Variants in PAH observed in about 807,000 individuals in gnomAD.
PAH encodes phenylalanine-4-hydroxylase.
In PAH, 64 loss-of-function variants were observed where a neutral mutation model predicts 62.0. The ratio of observed to expected loss-of-function variants is 1.03; its 90% confidence interval spans 0.84 to 1.27. The LOEUF (loss-of-function observed/expected upper bound fraction) is 1.27. Ranked by LOEUF, PAH falls within the 50% of genes most tolerant of loss-of-function variation. The probability of loss-of-function intolerance (pLI) is 0.00; values close to 1 mark genes in which losing one functional copy is unlikely to be tolerated. For synonymous variants in PAH, 195 were observed against 196.2 expected, an observed-to-expected ratio of 0.99 and a Z score of 0.05; for missense variants, 579 against 542.8, an observed-to-expected ratio of 1.07 and a Z score of -0.66.
chr12:102,866,002 G>A (rs1875939908), intron 5 of PAH, among the ~76,000 whole-genome samples: 1 of 151,626 alleles, frequency 6.6e-6, no homozygotes, highest in Non-Finnish European at 1.5e-5. Context: ...GAGCAAAGCT[G>A]TTGTCTTCTC....
chr12:102,885,593 C>A (rs1005671181), intron 3 of PAH, among the ~76,000 whole-genome samples: 6 of 152,154 alleles, frequency 3.9e-5, no homozygotes, highest in Admixed American at 6.5e-5. Context: ...GCCCTGGACA[C>A]CCACGTAGTG....
intron 3 of PAH, among the ~76,000 whole-genome samples, chr12:102,889,171 G>A (rs1465664911): frequency 6.6e-6 from 1 of 152,116 alleles, no homozygotes; most frequent in Non-Finnish European, 1.5e-5. Flanking sequence ...GCACACCCAT[G>A]TATTATCTTG....
At chr12:102,881,765 C>G (rs1158719378) in intron 3 of PAH, among the ~76,000 whole-genome samples, 3 of 152,126 alleles carry the variant, frequency 2.0e-5, no homozygotes, top group Non-Finnish European at 2.9e-5. Flanking sequence ...TAGGGTTCAC[C>G]CATGTTCTCC....
chr12:102,871,940 AAAAAAAAAAATATAT>A (rs1876349981), intron 4 of PAH, among the ~76,000 whole-genome samples: 1 of 7,262 alleles, frequency 1.4e-4, no homozygotes, highest in African/African-American at 3.1e-4. Context: ...AAAAAAAAAA[AAAAAAAAAAATATAT>A]ATATATATAT....
chr12:102,949,845 G>T (rs1229534845), intron 1 of PAH, among the ~76,000 whole-genome samples: 1 of 152,250 alleles, frequency 6.6e-6, no homozygotes, highest in South Asian at 2.1e-4. Flanking sequence ...TGCCCCCACC[G>T]CATGTTTTAA....
At chr12:102,872,648 C>T (rs1387042138) in intron 4 of PAH, among the ~76,000 whole-genome samples, 2 of 152,184 alleles carry the variant, frequency 1.3e-5, no homozygotes, top group African/African-American at 4.8e-5. Flanking sequence ...AGCAGGAAAA[C>T]TTGATGCCCA....
At chr12:102,860,664 C>T (rs541547482) in intron 5 of PAH, among the ~76,000 whole-genome samples, 1 of 152,246 alleles carries the variant, frequency 6.6e-6, no homozygotes, top group African/African-American at 2.4e-5. Context: ...AAACAGAGCC[C>T]TCATTAATAA....
chr12:102,953,744 A>C (rs1399866748), upstream of PAH: 3 of 152,222 alleles, frequency 2.0e-5, no homozygotes, highest in Admixed American at 6.5e-5. Context: ...ATCTTTCTGC[A>C]ATGTCTGTAC....
At chr12:102,846,824 G>A (rs369202247) in intron 9 of PAH, 71 bp downstream of exon 9, 4 of 1,313,070 alleles carry the variant, frequency 3.0e-6, no homozygotes, top group East Asian at 2.3e-5. Flanking sequence ...AGGGGAGTAG[G>A]AAAGTTTCAA....
At chr12:102,916,956 C>A in intron 1 of PAH, 115 bp downstream of exon 1, 4 of 946,862 alleles carry the variant, frequency 4.2e-6, no homozygotes, top group South Asian at 1.3e-5. Context: ...CAGCTTCCAA[C>A]GAATTCAGAC....
At chr12:102,852,723 C>G (rs145709393) in intron 7 of PAH, 92 bp downstream of exon 7, 16 of 1,509,360 alleles carry the variant, frequency 1.1e-5, no homozygotes, top group African/African-American at 2.7e-5. Context: ...GTCCTGTGGA[C>G]CAGCCAGCAA....
chr12:102,861,979 A>AAAG (rs1555205292), intron 5 of PAH, among the ~76,000 whole-genome samples: 1 of 151,846 alleles, frequency 6.6e-6, no homozygotes, highest in Non-Finnish European at 1.5e-5. Context: ...AAAAAAAAAA[A>AAAG]AAAGAAAGAC....
intron 8 of PAH, among the ~76,000 whole-genome samples, chr12:102,850,044 T>C (rs559932087): frequency 6.6e-6 from 1 of 152,332 alleles, no homozygotes; most frequent in Admixed American, 6.5e-5. Context: ...AGCCTCTGAC[T>C]TCGTAAACTA....
intron 11 of PAH, among the ~76,000 whole-genome samples, chr12:102,841,610 T>G (rs1354176881): frequency 6.6e-6 from 1 of 152,212 alleles, no homozygotes; most frequent in Non-Finnish European, 1.5e-5. Flanking sequence ...TGAGTGTTAG[T>G]TGCTATCTTT....
At chr12:102,925,533 G>C (rs1878661163) in intron 1 of PAH, among the ~76,000 whole-genome samples, 1 of 152,110 alleles carries the variant, frequency 6.6e-6, no homozygotes, top group Non-Finnish European at 1.5e-5. Flanking sequence ...TGATATTTAA[G>C]ATGGATTTAC....
intron 1 of PAH, among the ~76,000 whole-genome samples, chr12:102,933,264 T>A (rs1878984083): frequency 6.6e-6 from 1 of 152,208 alleles, no homozygotes; most frequent in Non-Finnish European, 1.5e-5. Flanking sequence ...TCGTTTAACA[T>A]AATGACCTCC....
chr12:102,856,208 T>C (rs1875421270), intron 5 of PAH, among the ~76,000 whole-genome samples: 1 of 152,136 alleles, frequency 6.6e-6, no homozygotes, highest in Non-Finnish European at 1.5e-5. Flanking sequence ...TTCAAGTACA[T>C]ATGCCAGGCC....
At chr12:102,931,000 A>G (rs969697528) in intron 1 of PAH, among the ~76,000 whole-genome samples, 2 of 152,202 alleles carry the variant, frequency 1.3e-5, no homozygotes, top group Non-Finnish European at 2.9e-5. Context: ...CTCTGAAGAT[A>G]ATGAAAGTAA....
chr12:102,908,209 C>A (rs528797284), intron 2 of PAH, among the ~76,000 whole-genome samples: 2 of 147,250 alleles, frequency 1.4e-5, no homozygotes, highest in South Asian at 4.3e-4. Flanking sequence ...CCCTACCACC[C>A]CCTGCAGCCC....
Sources: gnomAD v4.1 joint callset for allele counts (sites outside exome capture counted in the v4.1 genomes callset) on GRCh38, gnomAD v4.1.1 for gene constraint, MANE v1.5 for transcripts, NCBI Gene and HGNC (gene_info 2026-07-23, HGNC 2026-07-21) for gene names.